TBC1D9: variants seen among roughly 807,000 people sequenced by gnomAD.
The protein encoded by TBC1D9 is TBC1 domain family member 9.
Under a neutral mutation model 132.0 loss-of-function variants are expected in TBC1D9, and 63 were observed. That is an observed-to-expected ratio of 0.48 (90% confidence interval 0.39 to 0.59). The LOEUF (loss-of-function observed/expected upper bound fraction) is 0.59, where lower values mean the gene tolerates loss of function less well. Ranked by LOEUF, TBC1D9 falls within the 20% of genes least tolerant of loss-of-function variation. The probability of loss-of-function intolerance (pLI) is 0.00; values close to 1 mark genes in which losing one functional copy is unlikely to be tolerated. For synonymous variants in TBC1D9, 610 were observed against 609.9 expected (o/e 1.00, Z 0.00); for missense variants, 1,261 against 1,592.7 (o/e 0.79, Z 3.54).
chr4:140,634,026 G>C lies in TBC1D9; in HGVS notation c.2668C>G (p.Leu890Val). Residue 890 changes from leucine (L) to valine (V), a missense_variant, in exon 16 of 21, where the codon CTG becomes GTG. Physicochemically the swap from Leu to Val is conservative, Grantham distance 32 (BLOSUM62 1). Around this residue, in one of 3 missense-constraint regions of TBC1D9, gnomAD observed 618 missense variants for 724.4 expected, o/e 0.85. Coordinates refer to ENST00000442267, the MANE Select transcript of TBC1D9 (RefSeq NM_015130.3). ...PWACGTHSDV[L>V]ASRLFQLLDE... The stretch of plus-strand genomic sequence containing the variant: ...AATAACTGGAACAAGCGGGAGGCCA[G>C]AACGTCAGAGTGAGTTCCACATGCC... 1 of 1,613,992 alleles carries C rather than the reference G, an allele frequency of 6.2e-7. No homozygotes were observed. Among genetic ancestry groups the C allele is most frequent in the Non-Finnish European group, 8.5e-7 (1 of 1,179,890 alleles).
chr4:140,732,092 G>C (rs1205972452), intron 1 of TBC1D9, among the ~76,000 whole-genome samples: 2 of 152,156 alleles, frequency 1.3e-5, no homozygotes, highest in Admixed American at 6.5e-5. Context: ...CAGAAGTCAG[G>C]CTCTTAACCA....
At chr4:140,746,325 A>C (rs1738835255) in intron 1 of TBC1D9, among the ~76,000 whole-genome samples, 1 of 152,190 alleles carries the variant, frequency 6.6e-6, no homozygotes, top group East Asian at 1.9e-4. Context: ...TTTAACTTGA[A>C]GCCCCTACGT....
chr4:140,631,753 C>T lies in TBC1D9; in HGVS notation c.2746+2195G>A, dbSNP rs531215985. ...CTGGGATTATAGGGACCTGCCACCA[C>T]GCCTGGCTAATTTTTGTATTTTTAG... On this transcript the variant is annotated intron_variant, in intron 16 of 20. Transcript: ENST00000442267. 2.6e-3 allele frequency among the ~76,000 whole-genome samples: 391 copies of T among 152,138 alleles called. 1 individual carries two copies. Among genetic ancestry groups the T allele is most frequent in the African/African-American group, 9.2e-3 (382 of 41,512 alleles).
rs768505164 is a variant in TBC1D9, at chr4:140,622,161, C to T, written c.*34G>A. On this transcript the variant is annotated 3_prime_UTR_variant, in exon 21 of 21. Coordinates refer to ENST00000442267, the MANE Select transcript of TBC1D9 (RefSeq NM_015130.3). ...AAGAACATAAAAAATCCCTCCCCTC[C>T]CTCTCCTCCCACTCCCCCGGGAAGG... is the stretch of plus-strand genomic sequence containing the variant. The T allele has an allele frequency of 3.3e-6, 5 of 1,523,820 alleles. No individual in the cohort carries two copies. The highest frequency in any genetic ancestry group is 4.4e-6 in the Non-Finnish European group (5 of 1,132,248). 94.4% of individuals were successfully genotyped at this position (1,523,820 alleles called of 1,614,324 possible).
rs1364069000 is a variant in TBC1D9 at position 140,627,490 on chromosome 4, A to C, written c.2850T>G (p.Phe950Leu). The change falls in exon 18 of 21, where the codon TTT becomes TTG. Residue 950 changes from phenylalanine to leucine, a missense_variant. By Grantham distance (22) the Phe-to-Leu change is conservative (BLOSUM62 0). Around this residue, in one of 3 missense-constraint regions of TBC1D9, gnomAD observed 618 missense variants for 724.4 expected, o/e 0.85. Transcript: ENST00000442267. ...CTTCAAAGAAGTACTGAGTTGCTTCAAAAGCAGAATCTGGTTCATCTTGAT... is the reference window on the plus strand; with the variant it reads ...CTTCAAAGAAGTACTGAGTTGCTTCCAAAGCAGAATCTGGTTCATCTTGAT... ...SSDQDEPDSAFEATQYFFEDI... is the reference protein window; with the variant it reads ...SSDQDEPDSALEATQYFFEDI... 6.2e-7 allele frequency: 1 copy of C among 1,611,382 alleles called. No homozygotes were observed. Among genetic ancestry groups the C allele is most frequent in the Non-Finnish European group, 8.5e-7 (1 of 1,178,628 alleles).
intron 13 of TBC1D9, chr4:140,644,604 A>G: frequency 2.8e-6 from 1 of 353,234 alleles, no homozygotes; most frequent in Non-Finnish European, 5.3e-6. Flanking sequence ...TCTGCCTGGT[A>G]CTCCTCTGCG....
At chr4:140,678,100 T>TTCCCTTTGCCTAGTTCC (rs973852925) in intron 5 of TBC1D9, among the ~76,000 whole-genome samples, 13 of 152,278 alleles carry the variant, frequency 8.5e-5, no homozygotes, top group African/African-American at 3.1e-4. Flanking sequence ...CCTTTCCTTG[T>TTCCCTTTGCCTAGTTCC]CTTTTATTTT....
At chr4:140,624,074 T>C in intron 20 of TBC1D9, 42 bp downstream of exon 20, 1 of 1,461,398 alleles carries the variant, frequency 6.8e-7, no homozygotes. Context: ...GAAAAAAGAG[T>C]GTCCAGGTTT....
chr4:140,627,987 G>A (rs1209818875), intron 17 of TBC1D9, among the ~76,000 whole-genome samples: 1 of 152,148 alleles, frequency 6.6e-6, no homozygotes, highest in East Asian at 1.9e-4. Flanking sequence ...TCCTGTCAAT[G>A]TTCCTACGCT....
chr4:140,686,529 C>A, intron 2 of TBC1D9, 67 bp from the exon 3 acceptor site: 1 of 1,026,386 alleles, frequency 9.7e-7, no homozygotes, highest in Non-Finnish European at 1.5e-6. Flanking sequence ...ACCAGGCTCA[C>A]TTTTTCATTA....
intron 6 of TBC1D9, 61 bp downstream of exon 6, chr4:140,676,833 G>A: frequency 6.3e-7 from 1 of 1,579,450 alleles, no homozygotes; most frequent in Admixed American, 1.8e-5. Flanking sequence ...AATTATTCCT[G>A]GTTCACCCAG....
intron 13 of TBC1D9, 125 bp downstream of exon 13, chr4:140,656,972 A>C: frequency 7.9e-7 from 1 of 1,266,984 alleles, no homozygotes. Context: ...CAAAGTCTAG[A>C]ACTGAGAAAT....
At chr4:140,632,440 C>T (rs1177200120) in intron 16 of TBC1D9, among the ~76,000 whole-genome samples, 1 of 152,042 alleles carries the variant, frequency 6.6e-6, no homozygotes, top group African/African-American at 2.4e-5. Context: ...ATTAATACTG[C>T]CTCCTTCTTC....
At chr4:140,703,623 C>T (rs183157578) in intron 1 of TBC1D9, among the ~76,000 whole-genome samples, 4 of 152,264 alleles carry the variant, frequency 2.6e-5, no homozygotes, top group African/African-American at 7.2e-5. Context: ...ATGCAGAAGT[C>T]CTACAGTTGT....
At position 140,677,061 on chromosome 4, in the gene TBC1D9, G is replaced by A. The variant is rs750148723; in HGVS notation, c.892C>T (p.Leu298Phe). 6.2e-7 allele frequency: 1 copy of A among 1,613,898 alleles called. No homozygotes were observed. Among genetic ancestry groups the A allele is most frequent in the Non-Finnish European group, 8.5e-7 (1 of 1,179,858 alleles). The part of the protein sequence containing the change: ...ARAKSERYRA[L>F]FRLPKDEKLD... Reference sequence around the variant, plus strand: ...TTTTCATCTTTGGGCAGCCGGAAAAGTGCACGGTATCTCTCACTCTTTGCC... The same window carrying A: ...TTTTCATCTTTGGGCAGCCGGAAAAATGCACGGTATCTCTCACTCTTTGCC... Residue 298 changes from leucine (L) to phenylalanine (F), a missense_variant, in exon 6 of 21, where the codon CTT (leucine) becomes TTT (phenylalanine). By Grantham distance (22) the Leu-to-Phe change is conservative. Coordinates refer to ENST00000442267, the MANE Select transcript of TBC1D9 (RefSeq NM_015130.3).
chr4:140,687,376 A>AC (rs1560885908), intron 2 of TBC1D9, among the ~76,000 whole-genome samples: 3 of 107,130 alleles, frequency 2.8e-5, no homozygotes, highest in African/African-American at 1.2e-4. Context: ...ATATATATAT[A>AC]TATATATATA....
intron 9 of TBC1D9, among the ~76,000 whole-genome samples, chr4:140,668,702 A>G (rs1737485847): frequency 6.6e-6 from 1 of 152,232 alleles, no homozygotes; most frequent in Non-Finnish European, 1.5e-5. Flanking sequence ...AGGATGGTGG[A>G]TTCAACATTT....
At chr4:140,634,927 A>T (rs965434248) in intron 15 of TBC1D9, among the ~76,000 whole-genome samples, 8 of 152,154 alleles carry the variant, frequency 5.3e-5, no homozygotes, top group Admixed American at 5.2e-4. Flanking sequence ...CTTGGAAAAA[A>T]GGCAGCCTCT....
chr4:140,661,405 G>A (rs1737358923), intron 10 of TBC1D9, among the ~76,000 whole-genome samples: 1 of 152,188 alleles, frequency 6.6e-6, no homozygotes, highest in African/African-American at 2.4e-5. Flanking sequence ...TATTACTTAA[G>A]AGGATGCAAA....
Sources: allele counts gnomAD v4.1 joint callset (sites outside exome capture counted in the v4.1 genomes callset), GRCh38; gene constraint gnomAD v4.1.1; regional missense constraint gnomAD v4.1.1; transcripts MANE v1.5; gene names NCBI Gene and HGNC (gene_info 2026-07-23, HGNC 2026-07-21).